Variants in GTPBP6 observed in about 807,000 individuals in gnomAD.
GTPBP6 encodes the protein putative GTP-binding protein 6.
In GTPBP6, 33 loss-of-function variants were observed where a neutral mutation model predicts 28.9. The observed-to-expected ratio is 1.14, with a 90% CI of 0.87 to 1.53. The LOEUF is 1.53. GTPBP6 is among the 40% of genes most tolerant of loss of function. The pLI, the probability that GTPBP6 is intolerant of heterozygous loss-of-function variation, is 0.00. For synonymous variants in GTPBP6, 231 were observed against 192.7 expected, an observed-to-expected ratio of 1.20 and a Z score of -1.65; for missense variants, 507 against 408.3, an observed-to-expected ratio of 1.24 and a Z score of -2.08.
intron 6 of GTPBP6, chrX:312,074 G>C (rs772131196): frequency 8.8e-6 from 4 of 451,980 alleles, no homozygotes; most frequent in South Asian, 7.0e-5. Context: ...GTAGACAGAG[G>C]AGAGGCGATG....
At chrX:315,160 C>T (rs1312221984) in intron 3 of GTPBP6, 69 bp downstream of exon 3, 6 of 359,548 alleles carry the variant, frequency 1.7e-5, no homozygotes, top group African/African-American at 2.2e-5. Context: ...CCTGGCCGGA[C>T]GCCGTGGCGT....
chrX:312,071 G>A (rs866527636), intron 6 of GTPBP6: 2 of 451,730 alleles, frequency 4.4e-6, no homozygotes, highest in Admixed American at 2.4e-5. Context: ...GGTGTAGACA[G>A]AGGAGAGGCG....
At chrX:318,567 T>G in exon 1 of GTPBP6, 1 of 398,304 alleles carries the variant, frequency 2.5e-6, no homozygotes, top group Non-Finnish European at 4.4e-6. Context: ...GTCCGCATCT[T>G]CCGGCTCCTC....
chrX:308,160 A>G (rs866622477), intron 7 of GTPBP6, among the ~76,000 whole-genome samples: 1 of 150,914 alleles, frequency 6.6e-6, no homozygotes, highest in Non-Finnish European at 1.5e-5. Flanking sequence ...TGAGCACCCA[A>G]CCACCACCCA....
exon 2 of GTPBP6, chrX:317,004 C>A (rs1455852018): frequency 6.2e-4 from 248 of 398,548 alleles, no homozygotes; most frequent in Non-Finnish European, 9.6e-4. Flanking sequence ...ACGGACCAGC[C>A]GTCCAGCGTG....
chrX:311,455 C>T (rs753358491), exon 7 of GTPBP6: 57 of 1,531,836 alleles, frequency 3.7e-5, no homozygotes, highest in South Asian at 1.7e-4. Flanking sequence ...CGGAGAAGGA[C>T]TCGATGAGGC....
At position 312,871 on chromosome X, in the gene GTPBP6, T is replaced by C. The variant is rs763828131; in HGVS notation, c.811A>G (p.Ile271Val). Residue 271 changes from isoleucine to valine, a missense_variant, in exon 6 of 10, where the codon ATC becomes GTC. By Grantham distance (29) the Ile-to-Val change is conservative. Coordinates refer to ENST00000326153, the Ensembl canonical transcript of GTPBP6. ...CGAAGCCTGTCCAAGGCCTTCCTGA[T>C]CTTGGCCTCCTTCTCTCTCAGGAGA... is the stretch of plus-strand genomic sequence containing the variant. The C allele has an allele frequency of 6.8e-6, 11 of 1,612,694 alleles. No individual in the cohort carries two copies. The Admixed American group carries it at 1.8e-4, about 27-fold the overall frequency.
At position 308,645 on chromosome X, in the gene GTPBP6, G is replaced by A. The variant is rs184460843; in HGVS notation, c.1126-765C>T. ...CAGTGAGCCGAGATCATACCACTGC[G>A]GTTCAGTCTGGGTGACAGAGCGAGA... is the stretch of plus-strand genomic sequence containing the variant. On this transcript the variant is annotated intron_variant, in intron 7 of 9. Transcript: ENST00000326153. 2.0e-4 allele frequency among the ~76,000 whole-genome samples: 31 copies of A among 152,118 alleles called. 1 individual carries two copies. The highest frequency in any genetic ancestry group is 5.8e-4 in the African/African-American group (24 of 41,508).
At chrX:318,565 C>T in exon 1 of GTPBP6, 1 of 398,420 alleles carries the variant, frequency 2.5e-6, no homozygotes. Flanking sequence ...TCGTCCGCAT[C>T]TTCCGGCTCC....
exon 10 of GTPBP6, chrX:304,841 T>C (rs1409507774): frequency 7.1e-7 from 1 of 1,404,534 alleles, no homozygotes; most frequent in Non-Finnish European, 9.3e-7. Context: ...CCACTGGAAT[T>C]GTGTGGATGC....
intron 5 of GTPBP6, among the ~76,000 whole-genome samples, chrX:313,222 A>C (rs186692567): frequency 3.0e-3 from 455 of 152,364 alleles, no homozygotes; most frequent in African/African-American, 0.01. Flanking sequence ...GACACGGCCC[A>C]GGACGTCATC....
chrX:313,523 G>C (rs1489930247), intron 5 of GTPBP6, among the ~76,000 whole-genome samples: 1 of 151,900 alleles, frequency 6.6e-6, no homozygotes, highest in Non-Finnish European at 1.5e-5. Context: ...CCTCCTAAAA[G>C]ATCTGTCCAC....
At chrX:308,376 G>A (rs1015603215) in intron 7 of GTPBP6, among the ~76,000 whole-genome samples, 6 of 152,098 alleles carry the variant, frequency 3.9e-5, no homozygotes, top group Non-Finnish European at 7.3e-5. Flanking sequence ...TTATACTACC[G>A]GGGTATCCAC....
At chrX:307,210 A>T (rs2070189019) in intron 9 of GTPBP6, 150 bp downstream of exon 9, 3 of 689,650 alleles carry the variant, frequency 4.4e-6, no homozygotes, top group South Asian at 3.8e-5. Flanking sequence ...TCACAAATGT[A>T]CATTTGATGC....
At chrX:306,638 A>G (rs1384409096) in intron 9 of GTPBP6, among the ~76,000 whole-genome samples, 1 of 149,050 alleles carries the variant, frequency 6.7e-6, no homozygotes, top group Non-Finnish European at 1.5e-5. Flanking sequence ...TTTGACTGTC[A>G]GCACAGATTA....
intron 7 of GTPBP6, among the ~76,000 whole-genome samples, chrX:311,107 C>T (rs1457365075): frequency 6.6e-6 from 1 of 151,274 alleles, no homozygotes; most frequent in Non-Finnish European, 1.5e-5. Context: ...AACCGCTCAG[C>T]CTCTCGCCCG....
chrX:311,243 C>A (rs2070283634), intron 7 of GTPBP6, among the ~76,000 whole-genome samples, 176 bp downstream of exon 7: 1 of 151,738 alleles, frequency 6.6e-6, no homozygotes. Context: ...TGCCTGGTCC[C>A]CGTGCCCAGT....
chrX:315,184 G>A (rs1281409986), intron 3 of GTPBP6, 45 bp downstream of exon 3: 27 of 398,346 alleles, frequency 6.8e-5, no homozygotes, highest in African/African-American at 2.9e-4. Flanking sequence ...CTCCTTCATC[G>A]CGTGGAGTGC....
chrX:314,297 G>A lies in GTPBP6; in HGVS notation c.690-80C>T, dbSNP rs1383384722. The A allele has an allele frequency of 1.3e-4, 150 of 1,184,816 alleles. No homozygotes were observed. In the South Asian group the frequency reaches 1.3e-3, roughly 10 times the overall value. 73.4% of individuals were successfully genotyped at this position (1,184,816 alleles called of 1,614,324 possible). A position where few individuals can be genotyped will look rare whatever the true frequency, so the allele number is the denominator to read the frequency against. On this transcript the variant is annotated intron_variant, in intron 4 of 9. Coordinates refer to ENST00000326153, the Ensembl canonical transcript of GTPBP6. ...AGAGGTCGAGGTGAAGGTGAAGGGG[G>A]CACTGAGCTGGGCCTCTGGGCCGAA...
Sources: allele counts gnomAD v4.1 joint callset (sites outside exome capture counted in the v4.1 genomes callset), GRCh38; gene constraint gnomAD v4.1.1; transcripts MANE v1.5; gene names NCBI Gene and HGNC (gene_info 2026-07-23, HGNC 2026-07-21).